The following DLGAP1 variants were observed in gnomAD, a reference collection of about 807,000 sequenced individuals.
The protein encoded by DLGAP1 is disks large-associated protein 1.
Under a neutral mutation model 90.8 loss-of-function variants are expected in DLGAP1, and 11 were observed. The ratio of observed to expected loss-of-function variants is 0.12; its 90% CI spans 0.08 to 0.20. The LOEUF is 0.20. Ranked by LOEUF, DLGAP1 falls within the 10% of genes least tolerant of loss-of-function variation. The pLI is 1.00. For missense variants in DLGAP1, 1,050 were observed against 1,333.8 expected, an observed-to-expected ratio of 0.79 and a Z score of 3.31; for synonymous variants, 558 against 540.7, an observed-to-expected ratio of 1.03 and a Z score of -0.44.
At chr18:4,432,626 G>GTGTGTGT (rs2083313792) in intron 1 of DLGAP1, among the ~76,000 whole-genome samples, 2 of 145,932 alleles carry the variant, frequency 1.4e-5, no homozygotes, top group Middle Eastern at 3.6e-3. Flanking sequence ...GTGTGTGTGT[G>GTGTGTGT]GTGAGAATAT....
intron 1 of DLGAP1, among the ~76,000 whole-genome samples, chr18:4,300,125 T>A (rs950160818): frequency 6.6e-6 from 1 of 152,198 alleles, no homozygotes; most frequent in Non-Finnish European, 1.5e-5. Flanking sequence ...AAATACTTGA[T>A]TCAATTTAAC....
chr18:4,218,167 A>T (rs2077997387), intron 1 of DLGAP1, among the ~76,000 whole-genome samples: 1 of 147,910 alleles, frequency 6.8e-6, no homozygotes, highest in Non-Finnish European at 1.5e-5. Context: ...TCCTTTCTTC[A>T]CTGAACTGCC....
At chr18:3,501,529 T>C (rs983912256) in intron 12 of DLGAP1, among the ~76,000 whole-genome samples, 1 of 152,188 alleles carries the variant, frequency 6.6e-6, no homozygotes, top group African/African-American at 2.4e-5. Flanking sequence ...AGATGGTCCC[T>C]TGGGACTGGA....
chr18:3,810,373 T>C (rs1466250015), intron 5 of DLGAP1, among the ~76,000 whole-genome samples: 2 of 152,022 alleles, frequency 1.3e-5, no homozygotes, highest in Admixed American at 6.6e-5. Flanking sequence ...AGAAAAACAA[T>C]GTAAGAAAGT....
chr18:3,771,495 G>C, intron 5 of DLGAP1: 1 of 152,556 alleles, frequency 6.6e-6, no homozygotes, highest in Non-Finnish European at 1.5e-5. Flanking sequence ...CGTCAGTCCC[G>C]GGGAGGACCG....
intron 2 of DLGAP1, among the ~76,000 whole-genome samples, chr18:4,012,714 T>C (rs1198829849): frequency 2.7e-5 from 4 of 149,708 alleles, no homozygotes; most frequent in South Asian, 2.1e-4. Context: ...AGATTGCTCC[T>C]GTTCTTTTTT....
intron 1 of DLGAP1, among the ~76,000 whole-genome samples, chr18:4,377,993 T>G (rs1347506088): frequency 2.0e-5 from 3 of 151,440 alleles, no homozygotes; most frequent in African/African-American, 7.3e-5. Context: ...ATGGCCAAAT[T>G]AAATCCATAT....
intron 1 of DLGAP1, among the ~76,000 whole-genome samples, chr18:4,356,316 G>A (rs147447637): frequency 6.6e-6 from 1 of 152,046 alleles, no homozygotes; most frequent in African/African-American, 2.4e-5. Flanking sequence ...TATACCTCTA[G>A]TCCAGTCTCT....
intron 1 of DLGAP1, among the ~76,000 whole-genome samples, chr18:4,179,019 G>A (rs573929147): frequency 6.6e-6 from 1 of 152,188 alleles, no homozygotes; most frequent in Non-Finnish European, 1.5e-5. Context: ...AGTATGCTAG[G>A]AACATGATTC....
At chr18:3,806,289 T>A (rs1188733279) in intron 5 of DLGAP1, among the ~76,000 whole-genome samples, 1 of 152,198 alleles carries the variant, frequency 6.6e-6, no homozygotes, top group East Asian at 1.9e-4. Context: ...ATTTTTCTCA[T>A]CAGAAAATAA....
chr18:3,628,188 CTT>C (rs71160904), intron 7 of DLGAP1, among the ~76,000 whole-genome samples: 1,315 of 123,618 alleles, frequency 0.011, 10 homozygotes, highest in African/African-American at 0.033. Flanking sequence ...GTGCTATATT[CTT>C]TTTTTTTTTT....
At chr18:3,867,274 G>A (rs933078068) in intron 4 of DLGAP1, among the ~76,000 whole-genome samples, 5 of 152,112 alleles carry the variant, frequency 3.3e-5, no homozygotes, top group African/African-American at 1.2e-4. Flanking sequence ...CCACAACTGA[G>A]GGCCATGGAA....
At chr18:3,976,059 G>C (rs887630489) in intron 3 of DLGAP1, among the ~76,000 whole-genome samples, 2 of 152,028 alleles carry the variant, frequency 1.3e-5, no homozygotes, top group African/African-American at 4.8e-5. Context: ...CTTAAAAAGT[G>C]GTTAAGGCCG....
intron 1 of DLGAP1, among the ~76,000 whole-genome samples, chr18:4,168,732 T>C (rs552010743): frequency 1.3e-5 from 2 of 152,296 alleles, no homozygotes; most frequent in East Asian, 3.9e-4. Context: ...CAGAATTTCA[T>C]TCCTTTTAAG....
intron 7 of DLGAP1, among the ~76,000 whole-genome samples, chr18:3,618,430 T>C (rs1356371301): frequency 6.6e-6 from 1 of 152,030 alleles, no homozygotes; most frequent in African/African-American, 2.4e-5. Flanking sequence ...TGGCTGCTCC[T>C]TTATTTCCAC....
At chr18:3,740,976 TCAC>T (rs1315689508) in intron 6 of DLGAP1, among the ~76,000 whole-genome samples, 36 of 77,142 alleles carry the variant, frequency 4.7e-4, no homozygotes, top group Admixed American at 3.9e-3. Flanking sequence ...CACCATCACA[TCAC>T]CACCACCACC....
At chr18:4,006,903 C>A (rs752745600) in intron 2 of DLGAP1, among the ~76,000 whole-genome samples, 12 of 152,126 alleles carry the variant, frequency 7.9e-5, no homozygotes, top group Admixed American at 1.3e-4. Context: ...CTACCTCGGC[C>A]TACTAAAGTG....
chr18:3,527,879 C>T (rs1465110419), intron 10 of DLGAP1, among the ~76,000 whole-genome samples: 1 of 152,176 alleles, frequency 6.6e-6, no homozygotes, highest in Non-Finnish European at 1.5e-5. Flanking sequence ...AGGCAGGAGC[C>T]ACCACGCCCA....
intron 2 of DLGAP1, among the ~76,000 whole-genome samples, chr18:4,142,804 A>T (rs2076516686): frequency 6.6e-6 from 1 of 152,098 alleles, no homozygotes; most frequent in Admixed American, 6.5e-5. Context: ...CTATGGGCAT[A>T]TCTGTATTAG....
Sources: gnomAD v4.1 joint callset for allele counts (sites outside exome capture counted in the v4.1 genomes callset) on GRCh38, gnomAD v4.1.1 for gene constraint, MANE v1.5 for transcripts, NCBI Gene and HGNC (gene_info 2026-07-23, HGNC 2026-07-21) for gene names.